SLC6A2: variants seen among roughly 807,000 people sequenced by gnomAD.
The protein encoded by SLC6A2 is sodium-dependent noradrenaline transporter.
SLC6A2 carries 26 observed loss-of-function variants against 71.7 expected under a neutral mutation model. The ratio of observed to expected loss-of-function variants is 0.36; its 90% CI spans 0.27 to 0.50. SLC6A2 has a LOEUF of 0.50. SLC6A2 is among the 20% of genes least tolerant of loss of function. The probability of loss-of-function intolerance (pLI) is 0.96; values close to 1 mark genes in which losing one functional copy is unlikely to be tolerated. For missense variants in SLC6A2, 581 were observed against 803.9 expected, an observed-to-expected ratio of 0.72 and a Z score of 3.35; for synonymous variants, 363 against 337.9, an observed-to-expected ratio of 1.07 and a Z score of -0.82.
At chr16:55,658,241 G>A (rs1964512988) in intron 2 of SLC6A2, among the ~76,000 whole-genome samples, 1 of 152,146 alleles carries the variant, frequency 6.6e-6, no homozygotes, top group African/African-American at 2.4e-5. Context: ...GCCGGGCATG[G>A]TGGCTCATGC....
intron 2 of SLC6A2, among the ~76,000 whole-genome samples, chr16:55,669,136 T>C (rs13333066): frequency 0.69 from 105,013 of 151,990 alleles, 36,450 homozygotes; most frequent in Non-Finnish European, 0.72. Flanking sequence ...TTTCTCTGGT[T>C]TCAATTTTCT....
chr16:55,691,165 G>A (rs577852717), intron 5 of SLC6A2, among the ~76,000 whole-genome samples: 12 of 147,410 alleles, frequency 8.1e-5, no homozygotes, highest in African/African-American at 3.0e-4. Flanking sequence ...AGATGAGGGA[G>A]GGGAGAGCAA....
intron 3 of SLC6A2, 70 bp downstream of exon 3, chr16:55,669,766 C>G: frequency 1.3e-6 from 2 of 1,555,320 alleles, no homozygotes; most frequent in Non-Finnish European, 1.8e-6. Flanking sequence ...GGAATCTGCT[C>G]CAGTGGTGAG....
chr16:55,695,460 C>G, intron 8 of SLC6A2, 58 bp downstream of exon 8: 1 of 1,597,494 alleles, frequency 6.3e-7, no homozygotes, highest in Non-Finnish European at 8.6e-7. Context: ...AGAAGCCCAC[C>G]TTATTCTTGG....
rs542551189 is a variant in SLC6A2, at chr16:55,704,341, T to C, written c.*1995T>C. The stretch of plus-strand genomic sequence containing the variant: ...TCAAGGTTTTTTAGCAACTAACAGA[T>C]CGAGTTGGGCCTTCAATTCACATCC... On this transcript the variant is annotated 3_prime_UTR_variant, in exon 15 of 15. Coordinates refer to ENST00000568943, the MANE Select transcript of SLC6A2 (RefSeq NM_001172501.3). 1 of 152,294 alleles carries C rather than the reference T, an allele frequency of 6.6e-6. No homozygotes were observed. The highest frequency in any genetic ancestry group is 2.4e-5 in the African/African-American group (1 of 41,568). The allele number at this position is 152,294 out of a possible 1,614,324, so 9.4% of individuals were successfully genotyped here.
At chr16:55,698,416 G>A in intron 10 of SLC6A2, 53 bp from the exon 11 acceptor site, 2 of 1,259,528 alleles carry the variant, frequency 1.6e-6, no homozygotes, top group Non-Finnish European at 2.3e-6. Flanking sequence ...ACAACAATCA[G>A]TTCCCACGTT....
intron 2 of SLC6A2, 135 bp downstream of exon 2, chr16:55,657,103 A>G (rs566469563): frequency 3.2e-6 from 3 of 929,444 alleles, no homozygotes; most frequent in Admixed American, 2.4e-5. Context: ...AAAGAACTGG[A>G]CAGGGCTAAC....
chr16:55,683,334 T>G (rs1194437041), intron 4 of SLC6A2, among the ~76,000 whole-genome samples: 4 of 152,104 alleles, frequency 2.6e-5, no homozygotes. Flanking sequence ...AAACCAGGCC[T>G]GGCGCAGTGG....
At chr16:55,692,152 T>G in intron 6 of SLC6A2, 100 bp downstream of exon 6, 3 of 1,358,976 alleles carry the variant, frequency 2.2e-6, no homozygotes, top group Middle Eastern at 3.6e-4. Flanking sequence ...GCCACAAATG[T>G]GCAGTGTAGC....
At chr16:55,664,522 C>T (rs1358135620) in intron 2 of SLC6A2, among the ~76,000 whole-genome samples, 2 of 152,218 alleles carry the variant, frequency 1.3e-5, no homozygotes, top group Non-Finnish European at 2.9e-5. Flanking sequence ...CTCCACCACA[C>T]AAGACAGCCT....
At chr16:55,668,233 G>C (rs1286155297) in intron 2 of SLC6A2, among the ~76,000 whole-genome samples, 1 of 152,118 alleles carries the variant, frequency 6.6e-6, no homozygotes, top group African/African-American at 2.4e-5. Context: ...GAGTGAGTTT[G>C]ACCCTAGGTA....
intron 13 of SLC6A2, 54 bp downstream of exon 13, chr16:55,700,360 A>G (rs367745890): frequency 1.3e-6 from 2 of 1,481,548 alleles, no homozygotes; most frequent in East Asian, 2.3e-5. Context: ...GAGGGGGAAG[A>G]CGGGACGACT....
At chr16:55,670,546 C>G (rs1360824654) in intron 3 of SLC6A2, among the ~76,000 whole-genome samples, 1 of 152,182 alleles carries the variant, frequency 6.6e-6, no homozygotes, top group Non-Finnish European at 1.5e-5. Flanking sequence ...ATAATGTTGT[C>G]TGGAATCTAT....
At position 55,703,174 on chromosome 16, in the gene SLC6A2, A is replaced by G. The variant is rs1395910652; in HGVS notation, c.*828A>G. ...AGGCCTCATGCTGCTCTTGCTCTGT[A>G]AGACACGGAGCCCAGAAACCCATCT... On this transcript the variant is annotated 3_prime_UTR_variant, in exon 15 of 15. Transcript: ENST00000568943. 3.0e-6 allele frequency: 3 copies of G among 985,240 alleles called. No individual in the cohort carries two copies. The East Asian group carries it at 3.4e-4, about 112-fold the overall frequency. 61.0% of individuals were successfully genotyped at this position (985,240 alleles called of 1,614,324 possible).
intron 2 of SLC6A2, among the ~76,000 whole-genome samples, chr16:55,659,669 T>C (rs1964557802): frequency 6.6e-6 from 1 of 152,200 alleles, no homozygotes; most frequent in Non-Finnish European, 1.5e-5. Context: ...TGCTGTTGAA[T>C]AAGCTAATGA....
chr16:55,692,076 C>T (rs572634583), intron 6 of SLC6A2, 24 bp downstream of exon 6: 1 of 1,613,974 alleles, frequency 6.2e-7, no homozygotes, highest in Admixed American at 1.7e-5. Context: ...GACCACCAAG[C>T]CTTGGGCCAG....
At chr16:55,677,555 A>G (rs1323151588) in intron 4 of SLC6A2, among the ~76,000 whole-genome samples, 1 of 152,174 alleles carries the variant, frequency 6.6e-6, no homozygotes, top group Non-Finnish European at 1.5e-5. Context: ...TACTTTAATT[A>G]CAGCCCTAAG....
At chr16:55,673,859 C>T (rs1964999985) in intron 4 of SLC6A2, among the ~76,000 whole-genome samples, 1 of 152,150 alleles carries the variant, frequency 6.6e-6, no homozygotes, top group Non-Finnish European at 1.5e-5. Flanking sequence ...ACCACCCCAG[C>T]TTATCATTCC....
chr16:55,695,346 T>A lies in SLC6A2; in HGVS notation c.1091T>A (p.Ile364Asn), dbSNP rs1453319253. 28 of 1,614,078 alleles carry A rather than the reference T, an allele frequency of 1.7e-5. 1 individual carries two copies. In the Admixed American group the frequency reaches 4.5e-4, roughly 26 times the overall value. The change falls in exon 8 of 15, where the codon ATC becomes AAC. Residue 364 changes from isoleucine (I) to asparagine (N), a missense_variant. Physicochemically the swap from Ile to Asn is moderately radical, Grantham distance 149 (BLOSUM62 -3). Transcript: ENST00000568943. ...SFVSGFAIFSILGYMAHEHKV... is the reference protein window; with the variant it reads ...SFVSGFAIFSNLGYMAHEHKV... ...GTCTCTGGGTTCGCCATCTTCTCCA[T>A]CCTTGGTTACATGGCCCATGAACAC... is the stretch of plus-strand genomic sequence containing the variant.
Sources: allele counts gnomAD v4.1 joint callset (sites outside exome capture counted in the v4.1 genomes callset), GRCh38; gene constraint gnomAD v4.1.1; transcripts MANE v1.5; gene names NCBI Gene and HGNC (gene_info 2026-07-23, HGNC 2026-07-21).